USP34: variants seen among roughly 807,000 people sequenced by gnomAD.
USP34 encodes ubiquitin carboxyl-terminal hydrolase 34.
A neutral mutation model predicts 460.3 loss-of-function variants in USP34; 70 were observed. The observed-to-expected ratio is 0.15, with a 90% CI of 0.13 to 0.19. The LOEUF (loss-of-function observed/expected upper bound fraction) is 0.19, where lower values mean the gene tolerates loss of function less well. Among genes scored for constraint, USP34 ranks in the 10% least tolerant of loss-of-function variants. USP34 has a pLI of 1.00. For missense variants in USP34, 3,985 were observed against 4,236.2 expected (o/e 0.94, Z 1.65); for synonymous variants, 1,647 against 1,405.3 (o/e 1.17, Z -3.85).
intron 10 of USP34, among the ~76,000 whole-genome samples, chr2:61,364,583 C>T (rs1209581631): frequency 2.6e-5 from 4 of 151,896 alleles, no homozygotes; most frequent in South Asian, 2.1e-4. Flanking sequence ...ACATATTTTA[C>T]GACACTATAA....
chr2:61,406,549 AC>A (rs1161916819), intron 2 of USP34, among the ~76,000 whole-genome samples: 2 of 152,148 alleles, frequency 1.3e-5, no homozygotes, highest in Admixed American at 6.6e-5. Context: ...TAAAACAGCC[AC>A]ATTTTTAGAT....
chr2:61,401,847 C>T (rs142089632), intron 3 of USP34, among the ~76,000 whole-genome samples: 2,157 of 151,174 alleles, frequency 0.014, 42 homozygotes, highest in African/African-American at 0.048. Context: ...CATGAGCCAC[C>T]GCGCCCGGCC....
intron 3 of USP34, among the ~76,000 whole-genome samples, chr2:61,397,211 G>A (rs185191231): frequency 3.0e-4 from 46 of 152,154 alleles, no homozygotes; most frequent in African/African-American, 1.0e-3. Context: ...GGGAGGCCAA[G>A]GTGGGCAGAT....
intron 10 of USP34, among the ~76,000 whole-genome samples, chr2:61,368,155 C>T (rs544438468): frequency 1.3e-5 from 2 of 152,192 alleles, no homozygotes; most frequent in East Asian, 1.9e-4. Context: ...CACGTCAGGC[C>T]GGGCCCATTG....
At chr2:61,426,779 G>C (rs915206043) in intron 1 of USP34, among the ~76,000 whole-genome samples, 10 of 152,260 alleles carry the variant, frequency 6.6e-5, no homozygotes, top group Non-Finnish European at 1.3e-4. Context: ...CTAATTTCAA[G>C]ACTGACCCAG....
At chr2:61,240,353 G>A (rs1233301773) in intron 53 of USP34, among the ~76,000 whole-genome samples, 4 of 151,926 alleles carry the variant, frequency 2.6e-5, no homozygotes, top group Admixed American at 6.6e-5. Flanking sequence ...GCAGTGGTGC[G>A]ATCTCGGCTC....
intron 1 of USP34, among the ~76,000 whole-genome samples, chr2:61,448,877 G>A (rs190248375): frequency 2.6e-5 from 4 of 152,290 alleles, no homozygotes; most frequent in East Asian, 1.9e-4. Flanking sequence ...GCCAGAGGCC[G>A]GATACAGTGG....
At chr2:61,224,712 G>A (rs138412729) in intron 62 of USP34, among the ~76,000 whole-genome samples, 3 of 152,146 alleles carry the variant, frequency 2.0e-5, no homozygotes, top group African/African-American at 4.8e-5. Flanking sequence ...AAAGTTGCAA[G>A]TAAACTAAAA....
chr2:61,265,514 G>C lies in USP34; in HGVS notation c.5661C>G (p.Val1887=), dbSNP rs1291569030. The C allele has an allele frequency of 1.9e-6, 3 of 1,612,938 alleles. No individual in the cohort carries two copies. The highest frequency in any genetic ancestry group is 8.5e-7 in the Non-Finnish European group (1 of 1,179,410). Residue 1887 remains valine (V), a synonymous_variant, in exon 43 of 80, where the codon GTC becomes GTG. Coordinates refer to ENST00000398571, the MANE Select transcript of USP34 (RefSeq NM_014709.4). ...YKWDYWPHED[V]RAECRFVGLT... ...GGCCAACAAATCTACATTCAGCACGGACATCTTCATGAGGCCAGTAATCCC... is the reference window on the plus strand; with the variant it reads ...GGCCAACAAATCTACATTCAGCACGCACATCTTCATGAGGCCAGTAATCCC...
chr2:61,423,216 C>T (rs982843743), intron 1 of USP34, among the ~76,000 whole-genome samples: 1 of 152,114 alleles, frequency 6.6e-6, no homozygotes, highest in Non-Finnish European at 1.5e-5. Context: ...CAGGTTCAAG[C>T]GATTCTCCTG....
intron 21 of USP34, among the ~76,000 whole-genome samples, chr2:61,322,220 G>C (rs904664516): frequency 6.6e-6 from 1 of 152,076 alleles, no homozygotes; most frequent in Admixed American, 6.5e-5. Context: ...ACAAGAGCAA[G>C]ACTCTGTCTC....
At position 61,282,179 on chromosome 2, in the gene USP34, T is replaced by C. The variant is rs796698194; in HGVS notation, c.4999-937A>G. On this transcript the variant is annotated intron_variant, in intron 37 of 79. Transcript: ENST00000398571. ...TAATTTTTTGTATTTTTAGTAGGGA[T>C]AGGGTTTCACCATGTTGGCCAGGCT... Among the ~76,000 whole-genome samples the C allele has an allele frequency of 5.9e-5, 9 of 152,200 alleles. 1 individual carries two copies. Among genetic ancestry groups the C allele is most frequent in the African/African-American group, 1.9e-4 (8 of 41,532 alleles).
At chr2:61,337,707 TG>T (rs1352617515) in intron 18 of USP34, among the ~76,000 whole-genome samples, 2 of 152,170 alleles carry the variant, frequency 1.3e-5, no homozygotes, top group Non-Finnish European at 2.9e-5. Flanking sequence ...CCACCTACCT[TG>T]GCCTCCCAAA....
chr2:61,383,851 TTA>T (rs1261961407), intron 5 of USP34, among the ~76,000 whole-genome samples: 1 of 152,162 alleles, frequency 6.6e-6, no homozygotes, highest in Non-Finnish European at 1.5e-5. Context: ...AACCTATATA[TTA>T]TATATCTTAT....
chr2:61,314,504 A>C, intron 25 of USP34, 81 bp downstream of exon 25: 1 of 1,274,316 alleles, frequency 7.8e-7, no homozygotes. Context: ...CAAAAACTTT[A>C]GATTCACTTT....
At chr2:61,268,599 C>T (rs1452067694) in intron 41 of USP34, among the ~76,000 whole-genome samples, 3 of 151,904 alleles carry the variant, frequency 2.0e-5, no homozygotes, top group Admixed American at 2.0e-4. Flanking sequence ...TCAGGTATTC[C>T]CTTATAACAC....
At chr2:61,254,889 C>T (rs1164370332) in intron 48 of USP34, among the ~76,000 whole-genome samples, 5 of 152,088 alleles carry the variant, frequency 3.3e-5, no homozygotes, top group Admixed American at 2.0e-4. Flanking sequence ...AATTTTTTGC[C>T]GAGGCTGGAG....
intron 5 of USP34, among the ~76,000 whole-genome samples, chr2:61,384,238 T>C (rs1490866469): frequency 6.6e-6 from 1 of 152,230 alleles, no homozygotes; most frequent in African/African-American, 2.4e-5. Context: ...TTCTACACAA[T>C]ATTTTAACAT....
intron 20 of USP34, among the ~76,000 whole-genome samples, chr2:61,328,195 G>A (rs769832717): frequency 3.3e-4 from 50 of 151,652 alleles, no homozygotes; most frequent in Non-Finnish European, 5.4e-4. Context: ...CCAGCTACTC[G>A]GGAGGCTGAG....
Sources: allele counts gnomAD v4.1 joint callset (sites outside exome capture counted in the v4.1 genomes callset), GRCh38; gene constraint gnomAD v4.1.1; transcripts MANE v1.5; gene names NCBI Gene and HGNC (gene_info 2026-07-23, HGNC 2026-07-21).